Variants in TG observed in about 807,000 individuals in gnomAD.
The protein encoded by TG is thyroid hormones.
A neutral mutation model predicts 324.7 loss-of-function variants in TG; 270 were observed. The ratio of observed to expected loss-of-function variants is 0.83; its 90% CI spans 0.75 to 0.92. TG has a LOEUF of 0.92. Among genes scored for constraint, TG ranks in the 40% least tolerant of loss-of-function variants. The pLI is 0.00. For synonymous variants in TG, 1,401 were observed against 1,327.0 expected, an observed-to-expected ratio of 1.06 and a Z score of -1.21; for missense variants, 3,591 against 3,456.4, an observed-to-expected ratio of 1.04 and a Z score of -0.98.
At chr8:132,933,746 G>A in intron 24 of TG, 70 bp downstream of exon 24, 1 of 1,418,792 alleles carries the variant, frequency 7.0e-7, no homozygotes, top group East Asian at 2.3e-5. Context: ...TGAGGAGCGG[G>A]CAGCAGGCTG....
rs749634916 is a variant in TG, at chr8:132,897,767, G to A, written c.3120G>A (p.Val1040=). 7 of 1,614,232 alleles carry A rather than the reference G, an allele frequency of 4.3e-6. No individual in the cohort carries two copies. The South Asian group carries it at 6.6e-5, about 15-fold the overall frequency. ...QCDAFGSWEP[V]QCHAGTGHCW... is the part of the protein sequence containing the mutation. ...ATGCGTTTGGAAGTTGGGAGCCTGT[G>A]CAGTGCCACGCTGGGACTGGTAAGG... Residue 1040 remains valine, a synonymous_variant, in exon 12 of 48, where the codon GTG becomes GTA. Coordinates refer to ENST00000220616, the MANE Select transcript of TG (RefSeq NM_003235.5).
chr8:132,888,174 G>A lies in TG; in HGVS notation c.2367G>A (p.Glu789=). The A allele has an allele frequency of 6.2e-7, 1 of 1,614,154 alleles. No homozygotes were observed. The highest frequency in any genetic ancestry group is 8.5e-7 in the Non-Finnish European group (1 of 1,180,018). The change falls in exon 10 of 48, where the codon GAG becomes GAA. Residue 789 remains glutamate (E), a synonymous_variant. Coordinates refer to ENST00000220616, the MANE Select transcript of TG (RefSeq NM_003235.5). Reference sequence around the variant, plus strand: ...TCTTCGAGTTGTACCAACGATGGGAGGCTCAGAACAAGGGCCAGGATCTGA... The same window carrying A: ...TCTTCGAGTTGTACCAACGATGGGAAGCTCAGAACAAGGGCCAGGATCTGA... ...EQVFELYQRW[E]AQNKGQDLTP...
At chr8:133,069,251 T>C (rs1220956751) in intron 41 of TG, among the ~76,000 whole-genome samples, 1 of 152,240 alleles carries the variant, frequency 6.6e-6, no homozygotes, top group Non-Finnish European at 1.5e-5. Flanking sequence ...TACTTTTCCT[T>C]TTTATTCGTA....
chr8:132,871,181 T>A (rs1839447855), intron 3 of TG, among the ~76,000 whole-genome samples, 167 bp from the exon 4 acceptor site: 1 of 152,138 alleles, frequency 6.6e-6, no homozygotes, highest in Non-Finnish European at 1.5e-5. Flanking sequence ...GTCCACAGGA[T>A]ACTAGCTAGG....
At position 133,133,680 on chromosome 8, in the gene TG, A is replaced by G. The variant is rs755930026; in HGVS notation, c.8188+20A>G. 2 of 1,609,716 alleles carry G rather than the reference A, an allele frequency of 1.2e-6. No individual in the cohort carries two copies. Among genetic ancestry groups the G allele is most frequent in the African/African-American group, 1.3e-5 (1 of 74,970 alleles). On this transcript the variant is annotated intron_variant, in intron 47 of 47. Transcript: ENST00000220616. ...CTGCAGGTAGCAAAGCCCTGGGACA[A>G]GTGGAGGGAGCTGGGTGTTGATCTC... is the stretch of plus-strand genomic sequence containing the variant.
chr8:133,028,628 A>C (rs1302855473), intron 40 of TG, among the ~76,000 whole-genome samples: 1 of 152,080 alleles, frequency 6.6e-6, no homozygotes, highest in African/African-American at 2.4e-5. Flanking sequence ...TGCTATTATC[A>C]CCCCCGTTTT....
intron 40 of TG, among the ~76,000 whole-genome samples, chr8:133,024,908 A>AT (rs757136074): frequency 6.6e-6 from 1 of 152,162 alleles, no homozygotes; most frequent in Non-Finnish European, 1.5e-5. Context: ...TGATTTGGCG[A>AT]TTCCTCAAAA....
At chr8:132,883,367 G>A (rs1563904169) in intron 8 of TG, 1 of 283,454 alleles carries the variant, frequency 3.5e-6, no homozygotes, top group Non-Finnish European at 6.8e-6. Flanking sequence ...TAGGAAGAAT[G>A]CATGGAAGAG....
At chr8:132,921,960 T>A (rs937736813) in intron 21 of TG, among the ~76,000 whole-genome samples, 1 of 152,234 alleles carries the variant, frequency 6.6e-6, no homozygotes, top group Non-Finnish European at 1.5e-5. Context: ...ATATTATCTT[T>A]CACCTACTTC....
intron 41 of TG, among the ~76,000 whole-genome samples, chr8:133,078,146 A>G (rs1157402882): frequency 6.6e-6 from 1 of 152,126 alleles, no homozygotes; most frequent in Non-Finnish European, 1.5e-5. Context: ...TGGCTGTGTC[A>G]CCCATCCTTC....
chr8:132,895,835 T>G lies in TG; in HGVS notation c.3002-1814T>G, dbSNP rs142999993. ...AAAGGGGAGGCAATGTTGCTGGTGC[T>G]GTTGAGATTAGTCATTGAATGGCAT... On this transcript the variant is annotated intron_variant, in intron 11 of 47. Coordinates refer to ENST00000220616, the MANE Select transcript of TG (RefSeq NM_003235.5). Among the ~76,000 whole-genome samples the G allele has an allele frequency of 6.8e-4, 104 of 152,364 alleles. 3 individuals are homozygous for G. In the East Asian group the frequency reaches 0.018, roughly 27 times the overall value.
At chr8:132,879,870 C>G (rs1205979125) in intron 5 of TG, among the ~76,000 whole-genome samples, 1 of 152,170 alleles carries the variant, frequency 6.6e-6, no homozygotes, top group African/African-American at 2.4e-5. Context: ...GAAGATGGCT[C>G]AAAGACTGTG....
Position 133,086,715 on chromosome 8 carries a change from A to T in TG, c.7240-8329A>T, listed in dbSNP as rs561848686. ...ATTTATTAAATATTTACAATTTGTA[A>T]TGCACCATACTGTTACAGGAAAACT... On this transcript the variant is annotated intron_variant, in intron 41 of 47. Coordinates refer to ENST00000220616, the MANE Select transcript of TG (RefSeq NM_003235.5). Among the ~76,000 whole-genome samples the T allele has an allele frequency of 5.3e-5, 8 of 152,318 alleles. No individual in the cohort carries two copies. The South Asian group carries it at 1.4e-3, about 28-fold the overall frequency.
rs34749093 is a variant in TG at position 133,077,735 on chromosome 8, ATGTGTG to A, written c.7240-17283_7240-17278del. ...TGGATCAGGGCATTCTCTGGTGTGTATGTGTGTGTGTGTGTGTGTGTGTGTGTGTGT... is the reference window on the plus strand; with the variant it reads ...TGGATCAGGGCATTCTCTGGTGTGTATGTGTGTGTGTGTGTGTGTGTGTGT... On this transcript the variant is annotated intron_variant, in intron 41 of 47. Coordinates refer to ENST00000220616, the MANE Select transcript of TG (RefSeq NM_003235.5). Among the ~76,000 whole-genome samples the A allele has an allele frequency of 2.3e-3, 343 of 147,796 alleles. 2 individuals carry two copies. The highest frequency in any genetic ancestry group is 6.7e-3 in the South Asian group (31 of 4,612).
At chr8:133,107,979 C>CCTCTTT (rs61140571) in intron 43 of TG, among the ~76,000 whole-genome samples, 9,926 of 143,898 alleles carry the variant, frequency 0.069, 1,168 homozygotes, top group African/African-American at 0.22. Context: ...CTTTTCTTTT[C>CCTCTTT]TTCTTTTTTT....
chr8:132,883,066 A>T, intron 8 of TG, 67 bp downstream of exon 8: 1 of 1,545,904 alleles, frequency 6.5e-7, no homozygotes, highest in Admixed American at 1.9e-5. Context: ...CCTCCAGACC[A>T]ACCTCTCTGG....
chr8:132,965,416 G>T (rs1252380561), intron 29 of TG, among the ~76,000 whole-genome samples: 4 of 152,214 alleles, frequency 2.6e-5, no homozygotes, highest in African/African-American at 9.7e-5. Context: ...CTGCTGACAA[G>T]CACTACAAGG....
At chr8:133,084,208 T>C (rs1373855007) in intron 41 of TG, among the ~76,000 whole-genome samples, 1 of 152,124 alleles carries the variant, frequency 6.6e-6, no homozygotes, top group African/African-American at 2.4e-5. Context: ...GTCTAGGGGC[T>C]ACTGGAAGGA....
chr8:133,112,414 C>CA (rs1850330201), intron 43 of TG, among the ~76,000 whole-genome samples: 1 of 152,212 alleles, frequency 6.6e-6, no homozygotes, highest in South Asian at 2.1e-4. Flanking sequence ...TTCCCCTGCC[C>CA]ATTGTCTTCA....
Sources: gnomAD v4.1 joint callset for allele counts (sites outside exome capture counted in the v4.1 genomes callset) on GRCh38, gnomAD v4.1.1 for gene constraint, MANE v1.5 for transcripts, NCBI Gene and HGNC (gene_info 2026-07-23, HGNC 2026-07-21) for gene names.